The following TNS4 variants were observed in gnomAD, a reference collection of about 807,000 sequenced individuals.
TNS4 encodes the protein tensin 4.
In TNS4, 46 loss-of-function variants were observed where a neutral mutation model predicts 70.4. That is an observed-to-expected ratio of 0.65 (90% CI 0.52 to 0.84). The LOEUF (loss-of-function observed/expected upper bound fraction) is 0.84. Among genes scored for constraint, TNS4 ranks in the 40% least tolerant of loss-of-function variants. The pLI is 0.00. For missense variants in TNS4, 863 were observed against 907.0 expected (o/e 0.95, Z 0.62); for synonymous variants, 390 against 366.6 (o/e 1.06, Z -0.73).
chr17:40,481,119 C>T (rs917596573), intron 8 of TNS4, among the ~76,000 whole-genome samples: 11 of 152,134 alleles, frequency 7.2e-5, no homozygotes, highest in Non-Finnish European at 1.0e-4. Flanking sequence ...CTCTCACCAT[C>T]GCTCCTCTGG....
At position 40,487,091 on chromosome 17, in the gene TNS4, G is replaced by T; in HGVS notation, c.1233C>A (p.Ala411=). 1 of 1,614,228 alleles carries T rather than the reference G, an allele frequency of 6.2e-7. No homozygotes were observed. Among genetic ancestry groups the T allele is most frequent in the Non-Finnish European group, 8.5e-7 (1 of 1,180,046 alleles). Residue 411 remains alanine (A), a synonymous_variant, in exon 4 of 13, where the codon GCC becomes GCA. Transcript: ENST00000254051. ...ACAGGGTCTGGCTGTTGCTCCTGGT[G>T]GCTGGACAGGGGTTGCTGGGAGAAG... The part of the protein sequence containing the change: ...GAASPSNPCP[A]TRSNSQTLSD...
In TNS4 at chr17:40,477,624, C is replaced by T. The variant is rs2035865124; in HGVS notation, c.2112G>A (p.Leu704=). The T allele has an allele frequency of 6.2e-7, 1 of 1,614,144 alleles. No homozygotes were observed. The highest frequency in any genetic ancestry group is 1.7e-5 in the Admixed American group (1 of 60,020). Reference sequence around the variant, plus strand: ...CTGCGTCCTGCAGCAGAGCAGTCACCAGGCCGATGACCTGCGAGGCTGGCT... The same window carrying T: ...CTGCGTCCTGCAGCAGAGCAGTCACTAGGCCGATGACCTGCGAGGCTGGCT... ...MVQPASQVIG[L]VTALLQDAER... is the part of the protein sequence containing the mutation. Residue 704 remains leucine (L), a synonymous_variant, in exon 13 of 13, where the codon CTG becomes CTA. Transcript: ENST00000254051.
In TNS4 at chr17:40,476,869, AT is replaced by A. The variant is rs1357435555; in HGVS notation, c.*718del. On this transcript the variant is annotated 3_prime_UTR_variant, in exon 13 of 13. Transcript: ENST00000254051. The stretch of plus-strand genomic sequence containing the variant: ...CAGTGAGACTCTGTCTCAAAAAAAA[AT>A]AAAAATAAAAACCAAGTGGAAAGAA... The A allele has an allele frequency of 1.3e-5, 2 of 150,188 alleles. No homozygotes were observed. The highest frequency in any genetic ancestry group is 2.9e-5 in the Non-Finnish European group (2 of 67,842). 9.3% of individuals were successfully genotyped at this position (150,188 alleles called of 1,614,324 possible). A position where few individuals can be genotyped will look rare whatever the true frequency, so the allele number is the denominator to read the frequency against.
intron 2 of TNS4, among the ~76,000 whole-genome samples, chr17:40,494,358 C>A (rs903277122): frequency 1.3e-5 from 2 of 152,260 alleles, no homozygotes; most frequent in African/African-American, 2.4e-5. Flanking sequence ...CTTGTGAAAG[C>A]TCTGCCTGAC....
intron 2 of TNS4, among the ~76,000 whole-genome samples, chr17:40,491,645 G>A (rs1567813140): frequency 1.3e-5 from 2 of 152,020 alleles, no homozygotes; most frequent in Non-Finnish European, 2.9e-5. Context: ...CCTTGCTGGG[G>A]TCACTGAGTA....
rs1461743043 is a variant in TNS4 at position 40,484,907 on chromosome 17, G to A, written c.1375+14C>T. 6.8e-6 allele frequency: 11 copies of A among 1,613,702 alleles called. No homozygotes were observed. The highest frequency in any genetic ancestry group is 2.2e-5 in the East Asian group (1 of 44,896). On this transcript the variant is annotated intron_variant, in intron 5 of 12. Transcript: ENST00000254051. ...CCCAGACCCTATTCTGGGGTCACTCGTGCTTCCTTTTACCTTGCTCTCGGG... is the reference window on the plus strand; with the variant it reads ...CCCAGACCCTATTCTGGGGTCACTCATGCTTCCTTTTACCTTGCTCTCGGG...
rs1307578311 is a variant in TNS4, at chr17:40,484,627, T to G, written c.1376-18A>C. On this transcript the variant is annotated intron_variant, in intron 5 of 12. Coordinates refer to ENST00000254051, the MANE Select transcript of TNS4 (RefSeq NM_032865.6). The stretch of plus-strand genomic sequence containing the variant: ...CTCGATTGCTGGAACAATCCTTGAG[T>G]CAGAGATGGACACCGCCCCACCTGG... The G allele has an allele frequency of 6.2e-7, 1 of 1,610,616 alleles. No individual in the cohort carries two copies. Among genetic ancestry groups the G allele is most frequent in the Non-Finnish European group, 8.5e-7 (1 of 1,179,916 alleles).
At chr17:40,493,009 A>G (rs912546351) in intron 2 of TNS4, among the ~76,000 whole-genome samples, 4 of 152,072 alleles carry the variant, frequency 2.6e-5, no homozygotes, top group African/African-American at 9.7e-5. Context: ...AGAAAAAAAA[A>G]ATAAGAAATT....
At chr17:40,490,553 G>A (rs1367817202) in intron 2 of TNS4, among the ~76,000 whole-genome samples, 1 of 152,160 alleles carries the variant, frequency 6.6e-6, no homozygotes, top group East Asian at 1.9e-4. Flanking sequence ...CATTATGACT[G>A]TGGAGCCCCA....
chr17:40,482,277 T>G, intron 7 of TNS4, 47 bp downstream of exon 7: 1 of 1,613,972 alleles, frequency 6.2e-7, no homozygotes, highest in Non-Finnish European at 8.5e-7. Context: ...AACGGAGACT[T>G]CGCTGGCCCC....
chr17:40,479,516 C>T (rs1036785818), intron 10 of TNS4, among the ~76,000 whole-genome samples, 158 bp downstream of exon 10: 2 of 152,216 alleles, frequency 1.3e-5, no homozygotes, highest in Admixed American at 6.5e-5. Context: ...CTGGAGGAGG[C>T]AGGGAAGCTG....
At chr17:40,484,742 C>T (rs1000088593) in intron 5 of TNS4, 133 bp from the exon 6 acceptor site, 10 of 1,435,608 alleles carry the variant, frequency 7.0e-6, no homozygotes, top group East Asian at 2.3e-5. Flanking sequence ...ACTGTCAAAT[C>T]TCCACCATTC....
At chr17:40,497,141 A>G (rs1406370700) in intron 1 of TNS4, among the ~76,000 whole-genome samples, 3 of 152,150 alleles carry the variant, frequency 2.0e-5, no homozygotes, top group Admixed American at 6.5e-5. Flanking sequence ...GAACAACTGT[A>G]AGCAGTGTCA....
In TNS4 at chr17:40,477,681, T is replaced by A. The variant is rs199689155; in HGVS notation, c.2055A>T (p.Val685=). 1 of 1,613,934 alleles carries A rather than the reference T, an allele frequency of 6.2e-7. No homozygotes were observed. The highest frequency in any genetic ancestry group is 2.2e-5 in the East Asian group (1 of 44,844). ...TGTCATACTCCGCAAAGAGGTGGCA[T>A]ACGTTCTCCTGAGGCTCTGTCTGGC... ...AKSQTEPQEN[V]CHLFAEYDMV... The change falls in exon 13 of 13, where the codon GTA becomes GTT. Residue 685 remains valine (V), a synonymous_variant. Coordinates refer to ENST00000254051, the MANE Select transcript of TNS4 (RefSeq NM_032865.6).
intron 7 of TNS4, 41 bp from the exon 8 acceptor site, chr17:40,482,247 C>T: frequency 6.2e-7 from 1 of 1,613,870 alleles, no homozygotes. Flanking sequence ...AGAGCTTCCC[C>T]AACCCACCCC....
rs887454486 is a variant in TNS4, at chr17:40,477,573, C to T, written c.*15G>A. On this transcript the variant is annotated 3_prime_UTR_variant, in exon 13 of 13. Coordinates refer to ENST00000254051, the MANE Select transcript of TNS4 (RefSeq NM_032865.6). Reference sequence around the variant, plus strand: ...CCCCTGGAGGTGTTGGTTAGGTGCACAGGCAGTCTCTCCCCTACATCCTTT... The same window carrying T: ...CCCCTGGAGGTGTTGGTTAGGTGCATAGGCAGTCTCTCCCCTACATCCTTT... The T allele has an allele frequency of 2.5e-5, 40 of 1,613,594 alleles. No homozygotes were observed. Among genetic ancestry groups the T allele is most frequent in the Non-Finnish European group, 3.2e-5 (38 of 1,179,838 alleles).
At chr17:40,483,993 G>C (rs1216519655) in intron 6 of TNS4, among the ~76,000 whole-genome samples, 1 of 152,188 alleles carries the variant, frequency 6.6e-6, no homozygotes, top group Non-Finnish European at 1.5e-5. Context: ...ACAGTGCCTG[G>C]TGTGTGGTGA....
In TNS4 at chr17:40,488,558, T is replaced by C. The variant is rs140241953; in HGVS notation, c.851A>G (p.Tyr284Cys). The change falls in exon 3 of 13, where the codon TAT becomes TGT. Residue 284 changes from tyrosine (Y) to cysteine (C), a missense_variant. Transcript: ENST00000254051. ...LSASPVSDVS[Y>C]MFGSSQSLLH... ...CTACAGAACCTACCTTCCAAACATA[T>C]AGCTGACATCAGACACTGGGCTGGC... 3 of 1,509,110 alleles carry C rather than the reference T, an allele frequency of 2.0e-6. No homozygotes were observed. The highest frequency in any genetic ancestry group is 2.7e-6 in the Non-Finnish European group (3 of 1,128,548). 93.5% of individuals were successfully genotyped at this position (1,509,110 alleles called of 1,614,324 possible).
At position 40,495,166 on chromosome 17, in the gene TNS4, A is replaced by C. The variant is rs573324660; in HGVS notation, c.439+821T>G. Among the ~76,000 whole-genome samples, 5 of 152,342 alleles carry C rather than the reference A, an allele frequency of 3.3e-5. No homozygotes were observed. In the East Asian group the frequency reaches 9.6e-4, roughly 29 times the overall value. On this transcript the variant is annotated intron_variant, in intron 2 of 12. Transcript: ENST00000254051. Reference sequence around the variant, plus strand: ...ACTTACAATGAAATAACTTACATTAAAAACAAAGGTAATAAATACTTAAAA... The same window carrying C: ...ACTTACAATGAAATAACTTACATTACAAACAAAGGTAATAAATACTTAAAA...
Sources: gnomAD v4.1 joint callset for allele counts (sites outside exome capture counted in the v4.1 genomes callset) on GRCh38, gnomAD v4.1.1 for gene constraint, MANE v1.5 for transcripts, NCBI Gene and HGNC (gene_info 2026-07-23, HGNC 2026-07-21) for gene names.